The following SAMHD1 variants were observed in gnomAD, a reference collection of about 807,000 sequenced individuals.
SAMHD1 encodes SAM and HD domain containing deoxynucleoside triphosphate triphosphohydrolase 1, also known as deoxynucleoside triphosphate triphosphohydrolase SAMHD1.
Under a neutral mutation model 79.6 loss-of-function variants are expected in SAMHD1, and 54 were observed. The ratio of observed to expected loss-of-function variants is 0.68; its 90% CI spans 0.55 to 0.85. SAMHD1 has a LOEUF of 0.85. SAMHD1 is among the 40% of genes least tolerant of loss of function. The pLI, the probability that SAMHD1 is intolerant of heterozygous loss-of-function variation, is 0.00. For missense variants in SAMHD1, 663 were observed against 782.7 expected (o/e 0.85, Z 1.82); for synonymous variants, 260 against 264.1 (o/e 0.98, Z 0.15).
chr20:36,921,527 G>T (rs1001460278), intron 6 of SAMHD1, among the ~76,000 whole-genome samples: 12 of 151,786 alleles, frequency 7.9e-5, no homozygotes, highest in Admixed American at 6.6e-4. Context: ...ATTGGTATTG[G>T]CTCAACTAGG....
chr20:36,904,135 T>C (rs1244876122), intron 13 of SAMHD1, 22 bp downstream of exon 13: 45 of 1,481,984 alleles, frequency 3.0e-5, no homozygotes, highest in Non-Finnish European at 3.9e-5. Context: ...TCACTCAGTT[T>C]ATTACTGGGC....
intron 6 of SAMHD1, among the ~76,000 whole-genome samples, chr20:36,924,519 A>C (rs2063525509): frequency 6.6e-6 from 1 of 152,182 alleles, no homozygotes. Context: ...TCACTGGCTT[A>C]CAGAAATAAC....
intron 10 of SAMHD1, chr20:36,911,557 T>C: frequency 2.0e-6 from 1 of 503,194 alleles, no homozygotes; most frequent in South Asian, 2.2e-5. Context: ...CACCATCTTA[T>C]TTATTCCTCC....
chr20:36,917,665 A>AAATAAATAAATG (rs2063484246), intron 7 of SAMHD1, among the ~76,000 whole-genome samples: 1 of 152,158 alleles, frequency 6.6e-6, no homozygotes, highest in African/African-American at 2.4e-5. Context: ...ATAAATAAAT[A>AAATAAATAAATG]AATAATATAA....
intron 9 of SAMHD1, among the ~76,000 whole-genome samples, chr20:36,916,017 C>T (rs542935096): frequency 2.6e-4 from 40 of 152,012 alleles, no homozygotes; most frequent in African/African-American, 8.7e-4. Flanking sequence ...AAAAATTAGC[C>T]GGGCATAGTG....
intron 15 of SAMHD1, among the ~76,000 whole-genome samples, chr20:36,897,099 T>C (rs1568758721): frequency 6.6e-6 from 1 of 152,202 alleles, no homozygotes; most frequent in East Asian, 1.9e-4. Flanking sequence ...GGATCATGCC[T>C]TGTGGCACTT....
intron 13 of SAMHD1, 91 bp from the exon 14 acceptor site, chr20:36,898,635 C>G (rs569091329): frequency 9.1e-6 from 9 of 988,600 alleles, no homozygotes; most frequent in Admixed American, 5.6e-5. Context: ...GAACAGAGGC[C>G]GGGCGCAGTA....
chr20:36,931,170 T>C (rs1306991325), intron 4 of SAMHD1: 1 of 398,886 alleles, frequency 2.5e-6, no homozygotes, highest in East Asian at 5.7e-5. Context: ...AAATAACAAG[T>C]GTTGGACATG....
At position 36,910,501 on chromosome 20, in the gene SAMHD1, G is replaced by A. The variant is rs545345362; in HGVS notation, c.1270+717C>T. Among the ~76,000 whole-genome samples the A allele has an allele frequency of 1.1e-4, 17 of 152,118 alleles. No individual in the cohort carries two copies. In the East Asian group the frequency reaches 1.9e-3, roughly 17 times the overall value. ...TCCTAGCACTCTGGGAGATGGAGGC[G>A]GGTGGATCACATGAGGTCAGGAGTT... On this transcript the variant is annotated intron_variant, in intron 11 of 15. Coordinates refer to ENST00000646673, the MANE Select transcript of SAMHD1 (RefSeq NM_015474.4).
chr20:36,930,974 A>T (rs2063564948), intron 4 of SAMHD1, 99 bp from the exon 5 acceptor site: 2 of 812,964 alleles, frequency 2.5e-6, no homozygotes, highest in Non-Finnish European at 4.3e-6. Flanking sequence ...ACATTCTAAC[A>T]TACCTTTAGG....
chr20:36,930,514 A>C (rs1007699584), intron 5 of SAMHD1, among the ~76,000 whole-genome samples: 7 of 152,110 alleles, frequency 4.6e-5, no homozygotes, highest in Non-Finnish European at 7.4e-5. Context: ...ACAACAACAA[A>C]AAAACCACTT....
chr20:36,936,552 C>T (rs1025533505), intron 3 of SAMHD1, among the ~76,000 whole-genome samples: 1 of 151,972 alleles, frequency 6.6e-6, no homozygotes. Flanking sequence ...CGTGTCCGCC[C>T]GCCTCAGCCT....
Position 36,951,650 on chromosome 20 carries a change from A to C in SAMHD1, c.-7T>G. On this transcript the variant is annotated 5_prime_UTR_variant, in exon 1 of 16. Coordinates refer to ENST00000646673, the MANE Select transcript of SAMHD1 (RefSeq NM_015474.4). ...CGGAATCGGCTCGCTGCATGGCTAC[A>C]CCTGGCGTCCGGCACAGCAGTCAAG... 1 of 1,612,726 alleles carries C rather than the reference A, an allele frequency of 6.2e-7. No individual in the cohort carries two copies.
intron 13 of SAMHD1, among the ~76,000 whole-genome samples, chr20:36,901,071 C>G (rs1009911251): frequency 7.2e-5 from 11 of 152,120 alleles, no homozygotes; most frequent in African/African-American, 2.4e-4. Context: ...AAAAAGACAG[C>G]AAGAAAGAAG....
At chr20:36,934,437 T>A (rs1273490639) in intron 4 of SAMHD1, among the ~76,000 whole-genome samples, 1 of 130,550 alleles carries the variant, frequency 7.7e-6, no homozygotes, top group East Asian at 2.6e-4. Flanking sequence ...GGTACAGAAC[T>A]GCTTGAACCT....
chr20:36,899,756 G>A (rs1235143660), intron 13 of SAMHD1, among the ~76,000 whole-genome samples: 1 of 152,106 alleles, frequency 6.6e-6, no homozygotes, highest in Non-Finnish European at 1.5e-5. Flanking sequence ...TGATTCTGGA[G>A]AGAGTACAGT....
rs1176556220 is a variant in SAMHD1 at position 36,943,851 on chromosome 20, A to G, written c.276-2740T>C. Among the ~76,000 whole-genome samples the G allele has an allele frequency of 2.0e-5, 3 of 151,956 alleles. No homozygotes were observed. The East Asian group carries it at 5.8e-4, about 29-fold the overall frequency. On this transcript the variant is annotated intron_variant, in intron 2 of 15. Transcript: ENST00000646673. ...TCCCAGCACTTTGGGAGGCTGAGGC[A>G]GGCAGATCATGAGGTCGGGAGTTCA...
chr20:36,900,088 C>T lies in SAMHD1; in HGVS notation c.1504-1544G>A, dbSNP rs182056784. The stretch of plus-strand genomic sequence containing the variant: ...CAACCTGGGTGACACAGTGAGACTC[C>T]GTCTCAAAAAAAAAAAAAAAATGTA... On this transcript the variant is annotated intron_variant, in intron 13 of 15. Coordinates refer to ENST00000646673, the MANE Select transcript of SAMHD1 (RefSeq NM_015474.4). 5.9e-3 allele frequency among the ~76,000 whole-genome samples: 787 copies of T among 133,454 alleles called. 4 individuals are homozygous for T. The highest frequency in any genetic ancestry group is 0.012 in the Middle Eastern group (3 of 254). 87.6% of individuals were successfully genotyped at this position (133,454 alleles called of 152,430 possible).
chr20:36,941,098 T>C lies in SAMHD1; in HGVS notation c.289A>G (p.Arg97Gly), dbSNP rs1372014614. Reference protein sequence around the residue: ...ENLGVSSLGERKKLLSYIQRL... With the variant: ...ENLGVSSLGEGKKLLSYIQRL... ...TGGATATAACTAAGCAGCTTCTTCC[T>C]CTCCCCCAAGGAACTAAAATTACAA... Residue 97 changes from arginine to glycine, a missense_variant, in exon 3 of 16, where the codon AGG becomes GGG. Arg to Gly is a moderately radical substitution (Grantham distance 125). Transcript: ENST00000646673. 1.9e-6 allele frequency: 3 copies of C among 1,612,538 alleles called. No individual in the cohort carries two copies. The highest frequency in any genetic ancestry group is 2.5e-6 in the Non-Finnish European group (3 of 1,178,780).
Sources: allele counts gnomAD v4.1 joint callset (sites outside exome capture counted in the v4.1 genomes callset), GRCh38; gene constraint gnomAD v4.1.1; transcripts MANE v1.5; gene names NCBI Gene and HGNC (gene_info 2026-07-23, HGNC 2026-07-21).